Variants in CAPN1 observed in about 807,000 individuals in gnomAD.
CAPN1 encodes the protein calpain 1.
Under a neutral mutation model 105.2 loss-of-function variants are expected in CAPN1, and 77 were observed. That is an observed-to-expected ratio of 0.73 (90% CI 0.61 to 0.88). The LOEUF (loss-of-function observed/expected upper bound fraction) is 0.88. Among genes scored for constraint, CAPN1 ranks in the 40% least tolerant of loss-of-function variants. The pLI is 0.00. For synonymous variants in CAPN1, 355 were observed against 388.8 expected (o/e 0.91, Z 1.02); for missense variants, 833 against 976.6 (o/e 0.85, Z 1.96).
intron 12 of CAPN1, chr11:65,206,075 G>A (rs193071694): frequency 7.8e-6 from 4 of 510,636 alleles, no homozygotes; most frequent in Admixed American, 3.4e-5. Context: ...CTGTACCCTT[G>A]AGCAGTTGCT....
Position 65,208,038 on chromosome 11 carries a change from TC to T in CAPN1, c.1606-13del, listed in dbSNP as rs1555011096. 5.7e-6 allele frequency: 9 copies of T among 1,574,740 alleles called. No individual in the cohort carries two copies. The highest frequency in any genetic ancestry group is 7.8e-6 in the Non-Finnish European group (9 of 1,159,820). On this transcript the variant is annotated splice_polypyrimidine_tract_variant and intron_variant, in intron 14 of 21. Coordinates refer to ENST00000279247, the MANE Select transcript of CAPN1 (RefSeq NM_005186.4). This position sits in a 1 kb window ranked among gnomAD's most constrained non-coding sequence, Gnocchi z 4.1. ...GCCGGGGCCTCTCTTACCTGCTTTC[TC>T]CCCTTCTCGGTCCAGCAAGTGCTCT...
Position 65,210,077 on chromosome 11 carries a change from G to A in CAPN1, c.1923G>A (p.Arg641=). 6.2e-7 allele frequency: 1 copy of A among 1,612,790 alleles called. No homozygotes were observed. Among genetic ancestry groups the A allele is most frequent in the Non-Finnish European group, 8.5e-7 (1 of 1,179,784 alleles). The change falls in exon 19 of 22, where the codon CGG becomes CGA. Residue 641 remains arginine (R), a synonymous_variant. Coordinates refer to ENST00000279247, the MANE Select transcript of CAPN1 (RefSeq NM_005186.4). This position sits in a 1 kb window ranked among gnomAD's most constrained non-coding sequence, Gnocchi z 4.3. ...GCAGCATGAGTGCCTACGAGATGCG[G>A]ATGGCCATTGAGTCGGCAGGTGAGA... ...KSGSMSAYEM[R]MAIESAGFKL...
In CAPN1 at chr11:65,188,471, G is replaced by A. The variant is rs1332931541; in HGVS notation, c.987G>A (p.Met329Ile). 1 of 1,613,148 alleles carries A rather than the reference G, an allele frequency of 6.2e-7. No homozygotes were observed. Among genetic ancestry groups the A allele is most frequent in the Non-Finnish European group, 8.5e-7 (1 of 1,179,512 alleles). ...PYERDQLRVK[M>I]EDGEFWMSFR... The stretch of plus-strand genomic sequence containing the variant: ...AACGGGACCAGCTCCGGGTCAAGAT[G>A]GAGGACGGGGAGTTCTGGTGAGCGC... Residue 329 changes from methionine (M) to isoleucine (I), a missense_variant, in exon 9 of 22, where the codon ATG becomes ATA. Met to Ile is a conservative substitution (Grantham distance 10, BLOSUM62 1). Transcript: ENST00000279247. This position sits in a 1 kb window ranked among gnomAD's most constrained non-coding sequence, Gnocchi z 5.5.
rs1948665022 is a variant in CAPN1 at position 65,188,180 on chromosome 11, A to C, written c.929+140A>C. The stretch of plus-strand genomic sequence containing the variant: ...ATCTTCGCGCGACTGGGTCTGGGGG[A>C]CTGCTCTGACAAAGCTCAGGCCGTG... On this transcript the variant is annotated intron_variant, in intron 8 of 21. Transcript: ENST00000279247. This position sits in a 1 kb window ranked among gnomAD's most constrained non-coding sequence, Gnocchi z 5.5. 1 of 713,258 alleles carries C rather than the reference A, an allele frequency of 1.4e-6. No homozygotes were observed. Among genetic ancestry groups the C allele is most frequent in the African/African-American group, 1.8e-5 (1 of 55,906 alleles). The allele number at this position is 713,258 out of a possible 1,614,324, so 44.2% of individuals were successfully genotyped here.
In CAPN1 at chr11:65,208,829, TCCTCCCAGAG is replaced by T. The variant is rs1949002491; in HGVS notation, c.1730-488_1730-479del. The T allele has an allele frequency of 4.7e-6, 1 of 210,862 alleles. No homozygotes were observed. Among genetic ancestry groups the T allele is most frequent in the African/African-American group, 2.3e-5 (1 of 43,364 alleles). The allele number at this position is 210,862 out of a possible 1,614,324, so 13.1% of individuals were successfully genotyped here. ...TTAGTGCCAAAGAAAAGTCTACCTT[TCCTCCCAGAG>T]CCTCCTGGGCCAGGCTGAGTGGCTT... On this transcript the variant is annotated intron_variant, in intron 16 of 21. Transcript: ENST00000279247. The surrounding 1 kb of genome is among the most constrained non-coding windows in gnomAD (Gnocchi z 4.1).
At position 65,186,208 on chromosome 11, in the gene CAPN1, C is replaced by T. The variant is rs751431932; in HGVS notation, c.629C>T (p.Thr210Ile). 2 of 1,613,574 alleles carry T rather than the reference C, an allele frequency of 1.2e-6. No individual in the cohort carries two copies. The highest frequency in any genetic ancestry group is 4.5e-5 in the East Asian group (2 of 44,878). ...GSYEALSGGS[T>I]SEGFEDFTGG... ...TACGAGGCCCTGTCAGGGGGCAGCA[C>T]CTCAGAGGGCTTTGAGGACTTCACA... The change falls in exon 6 of 22, where the codon ACC (threonine) becomes ATC (isoleucine). Residue 210 changes from threonine to isoleucine, a missense_variant. Coordinates refer to ENST00000279247, the MANE Select transcript of CAPN1 (RefSeq NM_005186.4).
intron 7 of CAPN1, chr11:65,187,647 G>T: frequency 2.2e-6 from 1 of 454,758 alleles, no homozygotes; most frequent in Non-Finnish European, 4.1e-6. Context: ...AACACTTTGG[G>T]AGGCTGAGGT....
chr11:65,190,220 G>A (rs1565398426), intron 10 of CAPN1, among the ~76,000 whole-genome samples: 1 of 152,136 alleles, frequency 6.6e-6, no homozygotes, highest in Non-Finnish European at 1.5e-5. Context: ...CAATTTATCA[G>A]GAATTACCAT....
intron 14 of CAPN1, 104 bp from the exon 15 acceptor site, chr11:65,207,951 G>A (rs1031886450): frequency 2.6e-5 from 19 of 740,734 alleles, no homozygotes; most frequent in Admixed American, 2.2e-4. Flanking sequence ...TCAGAGAAGC[G>A]AAGTGACTTG....
chr11:65,197,625 G>A lies in CAPN1; in HGVS notation c.1166-7058G>A, dbSNP rs1050790231. On this transcript the variant is annotated intron_variant, in intron 10 of 21. Transcript: ENST00000279247. The stretch of plus-strand genomic sequence containing the variant: ...GTCCACGCTGGGCACAGTGGCTCAC[G>A]CCTGTAATCCCAGAACTTTGGGAGG... 3.9e-5 allele frequency among the ~76,000 whole-genome samples: 6 copies of A among 152,242 alleles called. No individual in the cohort carries two copies. In the East Asian group the frequency reaches 1.2e-3, roughly 29 times the overall value.
At position 65,209,356 on chromosome 11, in the gene CAPN1, A is replaced by G. The variant is rs369442678; in HGVS notation, c.1763A>G (p.Glu588Gly). The change falls in exon 17 of 22, where the codon GAG becomes GGG. Residue 588 changes from glutamate (E) to glycine (G), a missense_variant. Transcript: ENST00000279247. This position sits in a 1 kb window ranked among gnomAD's most constrained non-coding sequence, Gnocchi z 4.1. ...CTGCGGACCAAGGGCTTCAGCCTAGAGTCGTGCCGCAGCATGGTGAACCTC... is the reference window on the plus strand; with the variant it reads ...CTGCGGACCAAGGGCTTCAGCCTAGGGTCGTGCCGCAGCATGGTGAACCTC... ...KDLRTKGFSL[E>G]SCRSMVNLMD... is the part of the protein sequence containing the mutation. The G allele has an allele frequency of 1.2e-5, 19 of 1,613,832 alleles. No homozygotes were observed. The highest frequency in any genetic ancestry group is 1.6e-5 in the Non-Finnish European group (19 of 1,179,812).
Position 65,210,429 on chromosome 11 carries a change from T to C in CAPN1, c.2036T>C (p.Leu679Pro). Reference protein sequence around the residue: ...AVDFDNFVCCLVRLETMFRFF... With the variant: ...AVDFDNFVCCPVRLETMFRFF... ...GACTTTGACAATTTCGTTTGCTGCC[T>C]GGTGCGGCTAGAGACCATGTTCCGT... Residue 679 changes from leucine to proline, a missense_variant, in exon 20 of 22, where the codon CTG (leucine) becomes CCG (proline). Physicochemically the swap from Leu to Pro is moderately conservative, Grantham distance 98. Coordinates refer to ENST00000279247, the MANE Select transcript of CAPN1 (RefSeq NM_005186.4). This position sits in a 1 kb window ranked among gnomAD's most constrained non-coding sequence, Gnocchi z 4.3. The C allele has an allele frequency of 6.2e-7, 1 of 1,611,372 alleles. No individual in the cohort carries two copies. The highest frequency in any genetic ancestry group is 8.5e-7 in the Non-Finnish European group (1 of 1,178,230).
chr11:65,211,472 G>A lies in CAPN1; in HGVS notation c.*186G>A. The A allele has an allele frequency of 1.6e-6, 1 of 634,986 alleles. No homozygotes were observed. The highest frequency in any genetic ancestry group is 1.8e-5 in the South Asian group (1 of 55,884). The allele number at this position is 634,986 out of a possible 1,614,324, so 39.3% of individuals were successfully genotyped here. On this transcript the variant is annotated 3_prime_UTR_variant, in exon 22 of 22. Transcript: ENST00000279247. ...CATCTGCTCCGGGCAGAACTGTGTGGCCCCTGCCTGTGCCAGCCATGGGCT... is the reference window on the plus strand; with the variant it reads ...CATCTGCTCCGGGCAGAACTGTGTGACCCCTGCCTGTGCCAGCCATGGGCT...
At chr11:65,200,962 T>TTTTTC (rs1948860404) in intron 10 of CAPN1, among the ~76,000 whole-genome samples, 1 of 131,800 alleles carries the variant, frequency 7.6e-6, no homozygotes, top group Non-Finnish European at 1.6e-5. Context: ...TTTTTTTTTT[T>TTTTTC]GAGACGGAGT....
chr11:65,208,372 G>A lies in CAPN1; in HGVS notation c.1729+110G>A, dbSNP rs1590866810. 9.3e-7 allele frequency: 1 copy of A among 1,073,040 alleles called. No individual in the cohort carries two copies. Among genetic ancestry groups the A allele is most frequent in the East Asian group, 2.6e-5 (1 of 38,710 alleles). The allele number at this position is 1,073,040 out of a possible 1,614,324, so 66.5% of individuals were successfully genotyped here. On this transcript the variant is annotated intron_variant, in intron 16 of 21. Coordinates refer to ENST00000279247, the MANE Select transcript of CAPN1 (RefSeq NM_005186.4). This position sits in a 1 kb window ranked among gnomAD's most constrained non-coding sequence, Gnocchi z 4.1. ...TCATCCCTTGGTCTGCATGAGTCGGGGAATCCTCCAGTTTTTCTGAGCCCA... is the reference window on the plus strand; with the variant it reads ...TCATCCCTTGGTCTGCATGAGTCGGAGAATCCTCCAGTTTTTCTGAGCCCA...
At chr11:65,205,423 G>A (rs1351072858) in intron 11 of CAPN1, among the ~76,000 whole-genome samples, 2 of 152,150 alleles carry the variant, frequency 1.3e-5, no homozygotes, top group Non-Finnish European at 2.9e-5. Context: ...TCCTGTCCCT[G>A]GGCTTTGGAA....
Position 65,182,834 on chromosome 11 carries a change from C to T in CAPN1, c.133C>T (p.Leu45=), listed in dbSNP as rs748927631. 109 of 1,596,714 alleles carry T rather than the reference C, an allele frequency of 6.8e-5. No individual in the cohort carries two copies. The highest frequency in any genetic ancestry group is 9.0e-5 in the Non-Finnish European group (106 of 1,172,076). ...IKYLGQDYEQ[L]RVRCLQSGTL... is the part of the protein sequence containing the mutation. ...GTACCTGGGCCAGGATTATGAGCAG[C>T]TGCGGGTGCGATGCCTGCAGAGTGG... The change falls in exon 2 of 22, where the codon CTG becomes TTG. Residue 45 remains leucine, a synonymous_variant. Coordinates refer to ENST00000279247, the MANE Select transcript of CAPN1 (RefSeq NM_005186.4).
chr11:65,204,711 G>A lies in CAPN1; in HGVS notation c.1194G>A (p.Lys398=). 6.2e-7 allele frequency: 1 copy of A among 1,612,890 alleles called. No homozygotes were observed. The highest frequency in any genetic ancestry group is 8.5e-7 in the Non-Finnish European group (1 of 1,179,556). ...CCTTCTGGGTGAACCCTCAGTTCAA[G>A]ATCCGGCTGGATGAGACGGATGACC... The part of the protein sequence containing the change: ...PATFWVNPQF[K]IRLDETDDPD... The change falls in exon 11 of 22, where the codon AAG becomes AAA. Residue 398 remains lysine (K), a synonymous_variant. Coordinates refer to ENST00000279247, the MANE Select transcript of CAPN1 (RefSeq NM_005186.4).
At chr11:65,207,928 AG>A in intron 14 of CAPN1, 126 bp from the exon 15 acceptor site, 1 of 652,980 alleles carries the variant, frequency 1.5e-6, no homozygotes, top group Non-Finnish European at 2.6e-6. Flanking sequence ...AGAAAAGAAA[AG>A]AAAAGTGAGG....
Sources: gnomAD v4.1 joint callset for allele counts (sites outside exome capture counted in the v4.1 genomes callset) on GRCh38, gnomAD v4.1.1 for gene constraint, Gnocchi (gnomAD v3.1) non-coding constraint, MANE v1.5 for transcripts, NCBI Gene and HGNC (gene_info 2026-07-23, HGNC 2026-07-21) for gene names.